The following ZNF362 variants were observed in gnomAD, a reference collection of about 807,000 sequenced individuals.
The protein encoded by ZNF362 is rotund homolog.
Under a neutral mutation model 42.9 loss-of-function variants are expected in ZNF362, and 11 were observed. The observed-to-expected ratio is 0.26, with a 90% CI of 0.16 to 0.42. The LOEUF is 0.42. Among genes scored for constraint, ZNF362 ranks in the 20% least tolerant of loss-of-function variants. ZNF362 has a pLI of 1.00. For missense variants in ZNF362, 362 were observed against 576.2 expected, an observed-to-expected ratio of 0.63 and a Z score of 3.81; for synonymous variants, 255 against 257.3, an observed-to-expected ratio of 0.99 and a Z score of 0.09.
At chr1:33,146,536 A>G in the ZNF362 span, 1 of 158,446 alleles carries the variant, frequency 6.3e-6, no homozygotes, top group Non-Finnish European at 1.4e-5. Flanking sequence ...GTGGTGGCAC[A>G]TGACTATAAT....
chr1:33,237,176 G>T, the ZNF362 span, among the ~76,000 whole-genome samples: 1 of 151,934 alleles, frequency 6.6e-6, no homozygotes, highest in Non-Finnish European at 1.5e-5. Flanking sequence ...TTAAATGCTG[G>T]TATCAACTCC....
the ZNF362 span, among the ~76,000 whole-genome samples, chr1:33,170,314 G>A: frequency 2.0e-5 from 1 of 51,148 alleles, no homozygotes; most frequent in Non-Finnish European, 3.8e-5. Context: ...ACACAGCCCA[G>A]TCTCTTTAAA....
At chr1:33,237,329 G>A in the ZNF362 span, among the ~76,000 whole-genome samples, 1 of 152,086 alleles carries the variant, frequency 6.6e-6, no homozygotes, top group Non-Finnish European at 1.5e-5. Flanking sequence ...TTGTTGTTAA[G>A]AGCAGACTGA....
At chr1:33,252,354 AAACAACAAC>A (rs3075190), upstream of ZNF362, among the ~76,000 whole-genome samples, 232 of 150,108 alleles carry the variant, frequency 1.5e-3, 1 homozygote, top group African/African-American at 3.2e-3. Flanking sequence ...CTCCATCTCA[AAACAACAAC>A]AACAACAACA....
the ZNF362 span, among the ~76,000 whole-genome samples, chr1:33,185,103 G>A: frequency 1.3e-3 from 203 of 152,284 alleles, 1 homozygote; most frequent in Admixed American, 9.8e-3. Context: ...GTTTTTAGAA[G>A]AGGCTCTGGT....
At chr1:33,282,956 G>T (rs1256777672) in intron 6 of ZNF362, among the ~76,000 whole-genome samples, 1 of 152,158 alleles carries the variant, frequency 6.6e-6, no homozygotes, top group African/African-American at 2.4e-5. Flanking sequence ...TCTGTTCAGA[G>T]GGGAAGCAGC....
At chr1:33,149,292 A>G in the ZNF362 span, among the ~76,000 whole-genome samples, 5 of 152,124 alleles carry the variant, frequency 3.3e-5, no homozygotes, top group Non-Finnish European at 5.9e-5. Context: ...AGTTGGGATT[A>G]TAGGCACGCG....
chr1:33,180,953 T>TGGGGGGGG, the ZNF362 span: 1 of 724,330 alleles, frequency 1.4e-6, no homozygotes, highest in Non-Finnish European at 2.0e-6. Flanking sequence ...GGTCCAGCCC[T>TGGGGGGGG]GACCCCACCC....
the ZNF362 span, among the ~76,000 whole-genome samples, chr1:33,134,120 T>A: frequency 2.0e-5 from 3 of 152,210 alleles, no homozygotes; most frequent in African/African-American, 7.2e-5. Flanking sequence ...CCCACAAGCA[T>A]GCTCTGAACA....
At chr1:33,131,621 GAAAT>G in the ZNF362 span, among the ~76,000 whole-genome samples, 352 of 151,908 alleles carry the variant, frequency 2.3e-3, no homozygotes, top group African/African-American at 7.8e-3. Context: ...ATGTTTAAAA[GAAAT>G]AAAATAAATA....
the ZNF362 span, among the ~76,000 whole-genome samples, chr1:33,240,191 A>G: frequency 6.6e-6 from 1 of 152,182 alleles, no homozygotes; most frequent in Admixed American, 6.5e-5. Flanking sequence ...CAAGTGATCA[A>G]AGTTAACACA....
chr1:33,240,911 G>A, the ZNF362 span, among the ~76,000 whole-genome samples: 1 of 152,284 alleles, frequency 6.6e-6, no homozygotes, highest in South Asian at 2.1e-4. Flanking sequence ...GGTGGCAGAC[G>A]CTGCAGAATA....
intron 8 of ZNF362, among the ~76,000 whole-genome samples, chr1:33,297,761 G>A (rs1468906898): frequency 1.3e-5 from 2 of 152,128 alleles, no homozygotes; most frequent in African/African-American, 2.4e-5. Flanking sequence ...TGATCCGCCC[G>A]CCTCAGTCTC....
chr1:33,140,267 GGTTT>G, the ZNF362 span, among the ~76,000 whole-genome samples: 1 of 152,236 alleles, frequency 6.6e-6, no homozygotes, highest in Non-Finnish European at 1.5e-5. The surrounding 1 kb of genome is among the most constrained non-coding windows in gnomAD (Gnocchi z 4.0). Flanking sequence ...ACGGAGCTGG[GGTTT>G]ACCCAGGTCT....
At chr1:33,295,862 C>A (rs1646119919) in intron 8 of ZNF362, among the ~76,000 whole-genome samples, 1 of 152,174 alleles carries the variant, frequency 6.6e-6, no homozygotes, top group African/African-American at 2.4e-5. Flanking sequence ...TTCTAGTTAA[C>A]AGACCCCGTA....
the ZNF362 span, among the ~76,000 whole-genome samples, chr1:33,238,425 T>C: frequency 2.8e-5 from 4 of 144,382 alleles, no homozygotes; most frequent in Non-Finnish European, 4.6e-5. Context: ...GATCTCTGCT[T>C]CAAACTAAAA....
chr1:33,186,617 C>T, the ZNF362 span, among the ~76,000 whole-genome samples: 1 of 147,704 alleles, frequency 6.8e-6, no homozygotes, highest in Non-Finnish European at 1.5e-5. Context: ...ACCAGCCTGG[C>T]CAACATGGTG....
chr1:33,221,770 T>A, the ZNF362 span, among the ~76,000 whole-genome samples: 1 of 152,114 alleles, frequency 6.6e-6, no homozygotes, highest in Non-Finnish European at 1.5e-5. Flanking sequence ...TTAAGGTGTG[T>A]CTGATCTGTT....
At chr1:33,140,631 C>T in the ZNF362 span, among the ~76,000 whole-genome samples, 1 of 152,238 alleles carries the variant, frequency 6.6e-6, no homozygotes, top group African/African-American at 2.4e-5. The surrounding 1 kb of genome is among the most constrained non-coding windows in gnomAD (Gnocchi z 4.0). Context: ...GGCCATCAGT[C>T]CCAATGCTTT....
Sources: allele counts gnomAD v4.1 joint callset (sites outside exome capture counted in the v4.1 genomes callset), GRCh38; gene constraint gnomAD v4.1.1; non-coding constraint Gnocchi (gnomAD v3.1); transcripts MANE v1.5; gene names NCBI Gene and HGNC (gene_info 2026-07-23, HGNC 2026-07-21).